BCKDHB: variants seen among roughly 807,000 people sequenced by gnomAD.
BCKDHB encodes 2-oxoisovalerate dehydrogenase subunit beta, mitochondrial.
A neutral mutation model predicts 48.5 loss-of-function variants in BCKDHB; 41 were observed. That is an observed-to-expected ratio of 0.85 (90% CI 0.66 to 1.10). The LOEUF is 1.10. Ranked by LOEUF, BCKDHB falls within the 50% of genes least tolerant of loss-of-function variation. The pLI is 0.00. For missense variants in BCKDHB, 496 were observed against 494.2 expected (o/e 1.00, Z -0.03); for synonymous variants, 201 against 174.8 (o/e 1.15, Z -1.18).
chr6:80,364,096 C>T, the BCKDHB span, among the ~76,000 whole-genome samples: 1 of 152,206 alleles, frequency 6.6e-6, no homozygotes, highest in African/African-American at 2.4e-5. Flanking sequence ...TAACAATACT[C>T]CTACAGTGAT....
intron 9 of BCKDHB, among the ~76,000 whole-genome samples, chr6:80,307,018 T>G (rs1767917540): frequency 6.6e-6 from 1 of 152,206 alleles, no homozygotes; most frequent in Non-Finnish European, 1.5e-5. Context: ...TTCCTCATAT[T>G]GAGCCGGGGT....
At chr6:80,379,485 ACAT>A in the BCKDHB span, among the ~76,000 whole-genome samples, 1 of 152,110 alleles carries the variant, frequency 6.6e-6, no homozygotes, top group African/African-American at 2.4e-5. Context: ...CCCATAGTCA[ACAT>A]CATACTGAAT....
the BCKDHB span, among the ~76,000 whole-genome samples, chr6:80,381,776 G>A: frequency 2.6e-5 from 4 of 152,160 alleles, no homozygotes; most frequent in South Asian, 8.3e-4. Flanking sequence ...AAACTGGTGA[G>A]CTGTTAATTC....
intron 8 of BCKDHB, among the ~76,000 whole-genome samples, chr6:80,232,549 C>G (rs1775971513): frequency 6.6e-6 from 1 of 150,872 alleles, no homozygotes; most frequent in South Asian, 2.1e-4. Context: ...TTTATATTCT[C>G]TCTATAGCAC....
intron 6 of BCKDHB, among the ~76,000 whole-genome samples, chr6:80,186,806 A>G (rs1425666937): frequency 2.6e-5 from 4 of 152,084 alleles, no homozygotes; most frequent in African/African-American, 7.2e-5. Context: ...TCCTTCTTCT[A>G]CTTTGATATT....
chr6:80,219,497 G>A (rs757276292), intron 8 of BCKDHB, among the ~76,000 whole-genome samples: 1 of 152,040 alleles, frequency 6.6e-6, no homozygotes, highest in Non-Finnish European at 1.5e-5. Context: ...ATAAGCCACC[G>A]CACCCAGGGT....
chr6:80,300,062 T>A (rs916126671), intron 9 of BCKDHB, among the ~76,000 whole-genome samples: 1 of 152,056 alleles, frequency 6.6e-6, no homozygotes, highest in Non-Finnish European at 1.5e-5. Context: ...TCTTTTTTTT[T>A]TTTTTAAAGA....
intron 9 of BCKDHB, among the ~76,000 whole-genome samples, chr6:80,279,388 T>C (rs1778105561): frequency 6.6e-6 from 1 of 152,140 alleles, no homozygotes; most frequent in African/African-American, 2.4e-5. Flanking sequence ...ACTCCTGACC[T>C]CAAGTGATCC....
the BCKDHB span, chr6:80,443,291 A>T: frequency 6.6e-6 from 1 of 152,206 alleles, no homozygotes; most frequent in Admixed American, 6.5e-5. Flanking sequence ...CTAAGTATTG[A>T]TCAATAAGAT....
chr6:80,223,825 A>G (rs1397255936), intron 8 of BCKDHB, among the ~76,000 whole-genome samples: 1 of 152,146 alleles, frequency 6.6e-6, no homozygotes, highest in African/African-American at 2.4e-5. Flanking sequence ...CCGTGTGGTT[A>G]AACTCTTCCA....
At chr6:80,396,862 C>T in the BCKDHB span, among the ~76,000 whole-genome samples, 2 of 152,170 alleles carry the variant, frequency 1.3e-5, no homozygotes, top group African/African-American at 4.8e-5. Flanking sequence ...AACCTCTTTT[C>T]ATTTTAAATC....
At chr6:80,251,390 G>A (rs1776831205) in intron 8 of BCKDHB, among the ~76,000 whole-genome samples, 1 of 152,168 alleles carries the variant, frequency 6.6e-6, no homozygotes, top group African/African-American at 2.4e-5. Flanking sequence ...AAGGTTGGAG[G>A]ACAGTATAAA....
chr6:80,132,888 TA>T (rs1000374139), intron 3 of BCKDHB, among the ~76,000 whole-genome samples: 4 of 152,214 alleles, frequency 2.6e-5, no homozygotes, highest in Non-Finnish European at 5.9e-5. Flanking sequence ...AACATATACT[TA>T]AAAAATTATC....
chr6:80,424,128 C>A, the BCKDHB span, among the ~76,000 whole-genome samples: 1 of 152,138 alleles, frequency 6.6e-6, no homozygotes, highest in East Asian at 1.9e-4. Context: ...TAAATCCTCC[C>A]AGATTCTGAC....
downstream of BCKDHB, among the ~76,000 whole-genome samples, chr6:80,347,426 A>G (rs1770263155): frequency 6.6e-6 from 1 of 152,184 alleles, no homozygotes; most frequent in African/African-American, 2.4e-5. Context: ...AAAGCATCCT[A>G]CAGGGAACTC....
intron 6 of BCKDHB, among the ~76,000 whole-genome samples, chr6:80,185,444 T>G (rs923837598): frequency 1.3e-4 from 20 of 152,164 alleles, no homozygotes; most frequent in African/African-American, 4.6e-4. Context: ...TTTTCTTCGT[T>G]TGAATCTATT....
chr6:80,355,010 T>C, the BCKDHB span, among the ~76,000 whole-genome samples: 1 of 152,236 alleles, frequency 6.6e-6, no homozygotes, highest in Non-Finnish European at 1.5e-5. Context: ...ATATGAGTTT[T>C]AGAATTGTTT....
chr6:80,215,931 A>G (rs1157721555), intron 8 of BCKDHB, among the ~76,000 whole-genome samples: 2 of 152,052 alleles, frequency 1.3e-5, no homozygotes, highest in Non-Finnish European at 2.9e-5. Flanking sequence ...TAGTACAGAC[A>G]GGGTTTCACC....
At chr6:80,335,437 G>T (rs1471002119) in intron 9 of BCKDHB, among the ~76,000 whole-genome samples, 1 of 151,928 alleles carries the variant, frequency 6.6e-6, no homozygotes, top group Admixed American at 6.6e-5. Context: ...ACTTTCAAAC[G>T]TTGCCGTCAG....
Sources: allele counts gnomAD v4.1 joint callset (sites outside exome capture counted in the v4.1 genomes callset), GRCh38; gene constraint gnomAD v4.1.1; transcripts MANE v1.5; gene names NCBI Gene and HGNC (gene_info 2026-07-23, HGNC 2026-07-21).